The following PPP3CA variants were observed in gnomAD, a reference collection of about 807,000 sequenced individuals.
PPP3CA encodes protein phosphatase 3 catalytic subunit alpha.
Under a neutral mutation model 66.5 loss-of-function variants are expected in PPP3CA, and 14 were observed. The ratio of observed to expected loss-of-function variants is 0.21; its 90% CI spans 0.14 to 0.33. The LOEUF (loss-of-function observed/expected upper bound fraction) is 0.33, where lower values mean the gene tolerates loss of function less well. Ranked by LOEUF, PPP3CA falls within the 10% of genes least tolerant of loss-of-function variation. The pLI is 1.00. For missense variants in PPP3CA, 317 were observed against 639.5 expected (o/e 0.50, Z 5.44); for synonymous variants, 232 against 226.2 (o/e 1.03, Z -0.23).
rs1010568820 is a variant in PPP3CA at position 101,290,738 on chromosome 4, C to A, written c.58+56001G>T. ...AAACAAAGAAGGAACACAGGGAGTG[C>A]CAGAATAAGGGTACAGGTATGTGGT... is the stretch of plus-strand genomic sequence containing the variant. On this transcript the variant is annotated intron_variant, in intron 1 of 13. Coordinates refer to ENST00000394854, the MANE Select transcript of PPP3CA (RefSeq NM_000944.5). 3.3e-5 allele frequency among the ~76,000 whole-genome samples: 5 copies of A among 152,094 alleles called. 1 individual carries two copies. The South Asian group carries it at 6.2e-4, about 19-fold the overall frequency.
At chr4:101,171,465 G>C (rs1723878241) in intron 2 of PPP3CA, among the ~76,000 whole-genome samples, 1 of 151,956 alleles carries the variant, frequency 6.6e-6, no homozygotes, top group Non-Finnish European at 1.5e-5. Context: ...AATAATAATA[G>C]CTAAATCTTA....
chr4:101,300,354 C>T (rs1255083045), intron 1 of PPP3CA, among the ~76,000 whole-genome samples: 1 of 152,224 alleles, frequency 6.6e-6, no homozygotes, highest in African/African-American at 2.4e-5. Context: ...TTGGCAGTCA[C>T]ACATCTTGGC....
intron 2 of PPP3CA, among the ~76,000 whole-genome samples, chr4:101,138,643 G>A (rs1053893680): frequency 2.6e-5 from 4 of 152,096 alleles, no homozygotes; most frequent in African/African-American, 4.8e-5. Context: ...TTCAGAATTT[G>A]GAGCCTTTTG....
At chr4:101,212,881 A>G (rs1262286950) in intron 1 of PPP3CA, among the ~76,000 whole-genome samples, 4 of 152,094 alleles carry the variant, frequency 2.6e-5, no homozygotes, top group Admixed American at 6.6e-5. Flanking sequence ...CAAAACATCT[A>G]TGTTATAAAC....
intron 1 of PPP3CA, among the ~76,000 whole-genome samples, chr4:101,246,768 C>CTA (rs1320846020): frequency 6.6e-6 from 1 of 151,908 alleles, no homozygotes; most frequent in African/African-American, 2.4e-5. Context: ...ACATCTCCTT[C>CTA]TATATATATA....
In PPP3CA at chr4:101,285,608, T is replaced by C. The variant is rs939222538; in HGVS notation, c.58+61131A>G. ...AAATGCCACTGTGTGTATGTGTGTG[T>C]GTGTGTGTGTGTGTGTGTGTGTGTG... is the stretch of plus-strand genomic sequence containing the variant. On this transcript the variant is annotated intron_variant, in intron 1 of 13. Coordinates refer to ENST00000394854, the MANE Select transcript of PPP3CA (RefSeq NM_000944.5). Among the ~76,000 whole-genome samples the C allele has an allele frequency of 3.7e-3, 449 of 120,364 alleles. 1 individual carries two copies. The highest frequency in any genetic ancestry group is 0.017 in the African/African-American group (426 of 25,260). The allele number at this position is 120,364 out of a possible 152,430, so 79.0% of individuals were successfully genotyped here. A position where few individuals can be genotyped will look rare whatever the true frequency, so the allele number is the denominator to read the frequency against.
At chr4:101,240,807 C>T (rs1236502030) in intron 1 of PPP3CA, 1 of 152,160 alleles carries the variant, frequency 6.6e-6, no homozygotes, top group Non-Finnish European at 1.5e-5. Flanking sequence ...ATTTGCCCTA[C>T]ATCCAAAAGA....
chr4:101,298,015 T>G (rs1213595428), intron 1 of PPP3CA, among the ~76,000 whole-genome samples: 1 of 152,018 alleles, frequency 6.6e-6, no homozygotes, highest in Non-Finnish European at 1.5e-5. Flanking sequence ...CATATTTGTG[T>G]CCCCTGGAAA....
intron 1 of PPP3CA, among the ~76,000 whole-genome samples, chr4:101,311,892 T>TA (rs760276710): frequency 6.6e-6 from 1 of 152,224 alleles, no homozygotes; most frequent in African/African-American, 2.4e-5. Context: ...ACCTTTTTTT[T>TA]ATCTCTTTCC....
rs913677070 is a variant in PPP3CA at position 101,197,123 on chromosome 4, G to A, written c.59-1007C>T. 6.6e-5 allele frequency among the ~76,000 whole-genome samples: 10 copies of A among 152,150 alleles called. No individual in the cohort carries two copies. The South Asian group carries it at 1.0e-3, about 16-fold the overall frequency. On this transcript the variant is annotated intron_variant, in intron 1 of 13. Transcript: ENST00000394854. The stretch of plus-strand genomic sequence containing the variant: ...TCATCCCATGTATCTTTCATGTGCC[G>A]TGTGCATTATGAAACAGACATACAG...
chr4:101,239,438 T>C (rs974305741), intron 1 of PPP3CA, among the ~76,000 whole-genome samples: 4 of 152,012 alleles, frequency 2.6e-5, no homozygotes, highest in Non-Finnish European at 4.4e-5. Context: ...AAATTCTGTC[T>C]ACCAACAGAA....
intron 6 of PPP3CA, among the ~76,000 whole-genome samples, chr4:101,083,492 GA>G (rs145680580): frequency 0.023 from 3,523 of 152,020 alleles, 157 homozygotes; most frequent in African/African-American, 0.079. Flanking sequence ...TGAACTGGGG[GA>G]AAAAACATAA....
intron 1 of PPP3CA, among the ~76,000 whole-genome samples, chr4:101,344,590 A>C (rs1729919640): frequency 6.6e-6 from 1 of 152,204 alleles, no homozygotes; most frequent in Non-Finnish European, 1.5e-5. Flanking sequence ...TTTTTAAATT[A>C]TGGGTGAGTG....
chr4:101,159,743 A>G (rs748160718), intron 2 of PPP3CA, among the ~76,000 whole-genome samples: 4 of 152,188 alleles, frequency 2.6e-5, no homozygotes, highest in Non-Finnish European at 5.9e-5. Flanking sequence ...ATATAGTCTT[A>G]TAACAGGATT....
chr4:101,285,177 G>A (rs1727798686), intron 1 of PPP3CA, among the ~76,000 whole-genome samples: 1 of 151,880 alleles, frequency 6.6e-6, no homozygotes, highest in Admixed American at 6.6e-5. Flanking sequence ...AGATTTTACA[G>A]GTTTCTTTCA....
intron 11 of PPP3CA, among the ~76,000 whole-genome samples, chr4:101,033,005 T>C (rs193237959): frequency 1.3e-5 from 2 of 152,302 alleles, no homozygotes; most frequent in East Asian, 3.9e-4. Flanking sequence ...ATAAAATTAT[T>C]TTCTTACTCA....
At chr4:101,108,854 G>A in intron 3 of PPP3CA, 100 bp downstream of exon 3, 1 of 1,158,446 alleles carries the variant, frequency 8.6e-7, no homozygotes. Context: ...AAATTTCATT[G>A]TTAGAGGTTT....
chr4:101,270,797 T>G (rs1441881821), intron 1 of PPP3CA, among the ~76,000 whole-genome samples: 1 of 152,168 alleles, frequency 6.6e-6, no homozygotes, highest in African/African-American at 2.4e-5. Context: ...TTATGGTATA[T>G]TTTACATTCC....
At chr4:101,339,619 A>G (rs1729744320) in intron 1 of PPP3CA, among the ~76,000 whole-genome samples, 1 of 152,216 alleles carries the variant, frequency 6.6e-6, no homozygotes, top group South Asian at 2.1e-4. Context: ...ATGGAACTTA[A>G]TATAATACAC....
Sources: gnomAD v4.1 joint callset for allele counts (sites outside exome capture counted in the v4.1 genomes callset) on GRCh38, gnomAD v4.1.1 for gene constraint, MANE v1.5 for transcripts, NCBI Gene and HGNC (gene_info 2026-07-23, HGNC 2026-07-21) for gene names.